The following MARCHF1 variants were observed in gnomAD, a reference collection of about 807,000 sequenced individuals.
The protein encoded by MARCHF1 is membrane associated ring-CH-type finger 1, also known as E3 ubiquitin-protein ligase MARCHF1.
A neutral mutation model predicts 54.2 loss-of-function variants in MARCHF1; 40 were observed. The ratio of observed to expected loss-of-function variants is 0.74; its 90% CI spans 0.57 to 0.96. The LOEUF (loss-of-function observed/expected upper bound fraction) is 0.96. MARCHF1 is among the 40% of genes least tolerant of loss of function. MARCHF1 has a pLI of 0.00. For missense variants in MARCHF1, 586 were observed against 656.5 expected, an observed-to-expected ratio of 0.89 and a Z score of 1.17; for synonymous variants, 236 against 236.3, an observed-to-expected ratio of 1.00 and a Z score of 0.01.
At chr4:163,727,983 T>G (rs1410059945) in intron 4 of MARCHF1, among the ~76,000 whole-genome samples, 1 of 152,206 alleles carries the variant, frequency 6.6e-6, no homozygotes, top group East Asian at 1.9e-4. Flanking sequence ...AGACTATCTT[T>G]GTTCCATTTA....
chr4:163,660,315 A>G (rs982281878), intron 5 of MARCHF1, among the ~76,000 whole-genome samples: 1 of 152,018 alleles, frequency 6.6e-6, no homozygotes, highest in Admixed American at 6.6e-5. Context: ...AGAAAACCAA[A>G]CACTGCATGT....
chr4:164,242,347 G>GGCAACCCCGAGCAGCCTAACTGGGAT (rs1732795488), intron 1 of MARCHF1, among the ~76,000 whole-genome samples: 1 of 145,300 alleles, frequency 6.9e-6, no homozygotes, highest in Admixed American at 6.9e-5. Context: ...CTAACTGGGA[G>GGCAACCCCGAGCAGCCTAACTGGGAT]GCAACCCCCA....
intron 4 of MARCHF1, among the ~76,000 whole-genome samples, chr4:163,717,587 G>A (rs1745305295): frequency 6.6e-6 from 1 of 152,090 alleles, no homozygotes; most frequent in Non-Finnish European, 1.5e-5. Context: ...CTTCCACAAT[G>A]GTTGAACTAG....
intron 1 of MARCHF1, chr4:164,330,059 C>T (rs1169596519): frequency 6.6e-6 from 1 of 151,402 alleles, no homozygotes; most frequent in Non-Finnish European, 1.5e-5. Context: ...CAGTATGTCC[C>T]TTTGGGTGAC....
At chr4:163,963,923 G>GT (rs1379079900) in intron 3 of MARCHF1, among the ~76,000 whole-genome samples, 1 of 151,924 alleles carries the variant, frequency 6.6e-6, no homozygotes, top group Non-Finnish European at 1.5e-5. Context: ...CACTGCAACA[G>GT]TAAGAGACCT....
intron 8 of MARCHF1, 75 bp from the exon 9 acceptor site, chr4:163,545,818 C>T (rs11726828): frequency 0.73 from 960,104 of 1,309,568 alleles, 355,616 homozygotes; most frequent in East Asian, 0.91. Context: ...TTCCCAGACA[C>T]AGATCATGAA....
chr4:163,566,286 C>G (rs1041184611), intron 8 of MARCHF1, among the ~76,000 whole-genome samples: 2 of 152,232 alleles, frequency 1.3e-5, no homozygotes, highest in Admixed American at 1.3e-4. Context: ...AGGGGACATA[C>G]TGTTTGTCCG....
At chr4:163,718,082 GA>G (rs1238854847) in intron 4 of MARCHF1, among the ~76,000 whole-genome samples, 2 of 152,168 alleles carry the variant, frequency 1.3e-5, no homozygotes, top group African/African-American at 2.4e-5. Context: ...ATGGTGCTGG[GA>G]AAACTGGCTA....
At chr4:164,294,540 T>C (rs76901890) in intron 1 of MARCHF1, among the ~76,000 whole-genome samples, 3,966 of 152,270 alleles carry the variant, frequency 0.026, 100 homozygotes, top group East Asian at 0.13. Flanking sequence ...TTCCTAACGT[T>C]TTCTACATTT....
chr4:164,142,436 A>G (rs1016284672), intron 1 of MARCHF1, among the ~76,000 whole-genome samples: 1 of 152,154 alleles, frequency 6.6e-6, no homozygotes, highest in African/African-American at 2.4e-5. Context: ...GACAGCTTTG[A>G]AGAGAGCAGT....
chr4:163,827,125 T>C (rs1467253577), intron 4 of MARCHF1, among the ~76,000 whole-genome samples: 1 of 152,086 alleles, frequency 6.6e-6, no homozygotes, highest in Admixed American at 6.6e-5. Context: ...TTTTTTTGTG[T>C]GTGACAGGTA....
At chr4:164,337,913 G>T (rs188344509) in intron 1 of MARCHF1, among the ~76,000 whole-genome samples, 17 of 152,216 alleles carry the variant, frequency 1.1e-4, no homozygotes, top group Admixed American at 1.0e-3. Flanking sequence ...TTCTCCCCCT[G>T]TCTAAAGAAG....
chr4:163,538,416 C>T (rs1738611290), intron 9 of MARCHF1, among the ~76,000 whole-genome samples: 1 of 151,912 alleles, frequency 6.6e-6, no homozygotes, highest in South Asian at 2.1e-4. Flanking sequence ...ATGGACCCAA[C>T]ATGGGTTATC....
chr4:163,612,275 A>T lies in MARCHF1; in HGVS notation c.1006T>A (p.Cys336Ser). ...YDDGSDNLEV[C>S]RICHCEGDEE... ...CCTTTCTCTACAGTGACTGACCTGCATACTTCTAAATTATCAGACCCATCG... is the reference window on the plus strand; with the variant it reads ...CCTTTCTCTACAGTGACTGACCTGCTTACTTCTAAATTATCAGACCCATCG... Residue 336 changes from cysteine to serine, a missense_variant, in exon 7 of 10, where the codon TGC becomes AGC. Cys to Ser is a moderately radical substitution (Grantham distance 112). Transcript: ENST00000514618. 6.7e-7 allele frequency: 1 copy of T among 1,497,802 alleles called. No individual in the cohort carries two copies. Among genetic ancestry groups the T allele is most frequent in the Non-Finnish European group, 8.8e-7 (1 of 1,132,870 alleles). The allele number at this position is 1,497,802 out of a possible 1,614,324, so 92.8% of individuals were successfully genotyped here. A position where few individuals can be genotyped will look rare whatever the true frequency, so the allele number is the denominator to read the frequency against.
chr4:164,340,364 C>G (rs1475828099), intron 1 of MARCHF1, among the ~76,000 whole-genome samples: 1 of 141,770 alleles, frequency 7.1e-6, no homozygotes, highest in Non-Finnish European at 1.5e-5. Flanking sequence ...ACTCAGCCCC[C>G]CGAGTAGCTG....
chr4:164,151,530 G>T (rs953955017), intron 1 of MARCHF1, among the ~76,000 whole-genome samples: 1 of 152,100 alleles, frequency 6.6e-6, no homozygotes, highest in East Asian at 1.9e-4. Context: ...TCAGACTAAA[G>T]AAATTGTGCT....
intron 1 of MARCHF1, among the ~76,000 whole-genome samples, chr4:164,282,468 C>T (rs1734049217): frequency 6.6e-6 from 1 of 150,768 alleles, no homozygotes; most frequent in Non-Finnish European, 1.5e-5. Flanking sequence ...TCTCCAATAC[C>T]TCAGTATTGC....
chr4:164,146,959 A>T (rs1451177395), intron 1 of MARCHF1, among the ~76,000 whole-genome samples: 2 of 150,848 alleles, frequency 1.3e-5, no homozygotes, highest in Middle Eastern at 3.2e-3. Context: ...TCTACAATGA[A>T]CTCAAACAAA....
chr4:164,256,846 T>G (rs145276619), intron 1 of MARCHF1, among the ~76,000 whole-genome samples: 2 of 152,170 alleles, frequency 1.3e-5, no homozygotes, highest in Non-Finnish European at 2.9e-5. Context: ...TGGTGTGTAT[T>G]TGGTCATTTT....
Sources: gnomAD v4.1 joint callset for allele counts (sites outside exome capture counted in the v4.1 genomes callset) on GRCh38, gnomAD v4.1.1 for gene constraint, MANE v1.5 for transcripts, NCBI Gene and HGNC (gene_info 2026-07-23, HGNC 2026-07-21) for gene names.